BANK1: variants seen among roughly 807,000 people sequenced by gnomAD.
BANK1 encodes B-cell scaffold protein with ankyrin repeats.
In BANK1, 95 loss-of-function variants were observed where a neutral mutation model predicts 94.5. The ratio of observed to expected loss-of-function variants is 1.00; its 90% CI spans 0.85 to 1.19. BANK1 has a LOEUF of 1.19. Ranked by LOEUF, BANK1 falls within the 50% of genes most tolerant of loss-of-function variation. BANK1 has a pLI of 0.00. For synonymous variants in BANK1, 334 were observed against 308.4 expected, an observed-to-expected ratio of 1.08 and a Z score of -0.87; for missense variants, 987 against 932.2, an observed-to-expected ratio of 1.06 and a Z score of -0.77.
chr4:102,006,835 T>C, intron 7 of BANK1, among the ~76,000 whole-genome samples: 1 of 151,146 alleles, frequency 6.6e-6, no homozygotes. Flanking sequence ...GCAGTTCTGA[T>C]TCACAAAAGT....
intron 5 of BANK1, among the ~76,000 whole-genome samples, chr4:101,881,394 A>G (rs191166821): frequency 6.6e-6 from 1 of 152,280 alleles, no homozygotes; most frequent in East Asian, 1.9e-4. Context: ...ATCTCACCCC[A>G]GTTAAAATAG....
At chr4:102,005,688 A>G (rs1476035793) in intron 7 of BANK1, among the ~76,000 whole-genome samples, 2 of 152,082 alleles carry the variant, frequency 1.3e-5, no homozygotes, top group Non-Finnish European at 2.9e-5. Flanking sequence ...AGCATTTACA[A>G]TGAGCAAGGA....
intron 7 of BANK1, among the ~76,000 whole-genome samples, chr4:101,982,595 G>A (rs937402543): frequency 5.9e-5 from 9 of 151,408 alleles, no homozygotes; most frequent in Middle Eastern, 3.2e-3. Flanking sequence ...TTTTTTATTC[G>A]GCAAAAGTAC....
chr4:102,019,160 A>G (rs1291962081), intron 7 of BANK1, among the ~76,000 whole-genome samples: 1 of 152,166 alleles, frequency 6.6e-6, no homozygotes, highest in East Asian at 1.9e-4. Flanking sequence ...TTGTATTCTA[A>G]TAATTTTTTA....
At chr4:101,956,530 C>A in intron 7 of BANK1, among the ~76,000 whole-genome samples, 1 of 152,082 alleles carries the variant, frequency 6.6e-6, no homozygotes, top group East Asian at 1.9e-4. Flanking sequence ...CTTGGTAATA[C>A]CCTAACCTCT....
chr4:101,836,308 A>G (rs1409435013), intron 2 of BANK1, among the ~76,000 whole-genome samples: 1 of 151,994 alleles, frequency 6.6e-6, no homozygotes, highest in Non-Finnish European at 1.5e-5. Context: ...GGTGAAACCC[A>G]GTCTCTACTG....
chr4:101,848,647 G>T (rs1381447555), intron 2 of BANK1, among the ~76,000 whole-genome samples: 2 of 152,164 alleles, frequency 1.3e-5, no homozygotes, highest in Non-Finnish European at 2.9e-5. Flanking sequence ...TTAAAGTGAA[G>T]AGTAATATTA....
At chr4:101,993,731 C>A (rs758817851) in intron 7 of BANK1, among the ~76,000 whole-genome samples, 9 of 152,176 alleles carry the variant, frequency 5.9e-5, no homozygotes. Flanking sequence ...CGTTTGATTA[C>A]GGAGAATATT....
chr4:101,795,339 A>G lies in BANK1; in HGVS notation c.70+4389A>G, dbSNP rs144449964. On this transcript the variant is annotated intron_variant, in intron 1 of 16. Coordinates refer to ENST00000322953, the MANE Select transcript of BANK1 (RefSeq NM_017935.5). Reference sequence around the variant, plus strand: ...TCATATTGTTCAGTATAGTCATATGAAAATATTTAATAATTCACTGTGTTC... The same window carrying G: ...TCATATTGTTCAGTATAGTCATATGGAAATATTTAATAATTCACTGTGTTC... Among the ~76,000 whole-genome samples, 1,090 of 129,142 alleles carry G rather than the reference A, an allele frequency of 8.4e-3. 12 individuals carry two copies. The highest frequency in any genetic ancestry group is 0.033 in the African/African-American group (1,045 of 31,620). 84.7% of individuals were successfully genotyped at this position (129,142 alleles called of 152,430 possible). A position where few individuals can be genotyped will look rare whatever the true frequency, so the allele number is the denominator to read the frequency against.
chr4:101,901,383 G>A (rs1304649225), intron 6 of BANK1, among the ~76,000 whole-genome samples: 1 of 152,152 alleles, frequency 6.6e-6, no homozygotes, highest in African/African-American at 2.4e-5. Context: ...ATAAAACGTA[G>A]AACAGGTCTA....
intron 7 of BANK1, among the ~76,000 whole-genome samples, chr4:101,988,183 A>G (rs190630390): frequency 8.4e-4 from 128 of 152,336 alleles, no homozygotes; most frequent in Non-Finnish European, 1.6e-3. Flanking sequence ...GTTTAACGAA[A>G]ATAGTTTAAT....
Position 101,830,104 on chromosome 4 carries a change from C to G in BANK1, c.367C>G (p.Gln123Glu). The G allele has an allele frequency of 6.2e-7, 1 of 1,613,620 alleles. No homozygotes were observed. The highest frequency in any genetic ancestry group is 8.5e-7 in the Non-Finnish European group (1 of 1,179,804). The change falls in exon 2 of 17, where the codon CAG (glutamine) becomes GAG (glutamate). Residue 123 changes from glutamine (Q) to glutamate (E), a missense_variant. Physicochemically the swap from Gln to Glu is conservative, Grantham distance 29. Transcript: ENST00000322953. Reference sequence around the variant, plus strand: ...GCTTTGTGGAGTGAAGAGTTCAGATCAGCTCTATGAATTACTAAATATCTC... The same window carrying G: ...GCTTTGTGGAGTGAAGAGTTCAGATGAGCTCTATGAATTACTAAATATCTC... ...TLLCGVKSSD[Q>E]LYELLNISQS...
intron 1 of BANK1, among the ~76,000 whole-genome samples, chr4:101,803,997 C>CAAAA (rs55704915): frequency 1.0e-4 from 7 of 68,388 alleles, no homozygotes; most frequent in African/African-American, 2.7e-4. Context: ...GACTCCGTCT[C>CAAAA]AAAAAAAAAA....
chr4:101,919,352 C>T (rs73836646), intron 7 of BANK1, among the ~76,000 whole-genome samples: 124 of 152,004 alleles, frequency 8.2e-4, no homozygotes, highest in African/African-American at 2.8e-3. Flanking sequence ...GTCATTCTTC[C>T]ACTTCTTGCT....
At chr4:101,934,482 T>C (rs574903610) in intron 7 of BANK1, among the ~76,000 whole-genome samples, 1 of 151,598 alleles carries the variant, frequency 6.6e-6, no homozygotes, top group African/African-American at 2.4e-5. Context: ...TTATGAGCAG[T>C]GAGAGCCTCC....
intron 6 of BANK1, among the ~76,000 whole-genome samples, chr4:101,904,271 A>G (rs1210687020): frequency 6.6e-6 from 1 of 152,230 alleles, no homozygotes; most frequent in Non-Finnish European, 1.5e-5. Flanking sequence ...CATAGGTTGT[A>G]TGACTGAATT....
intron 7 of BANK1, among the ~76,000 whole-genome samples, chr4:102,004,581 G>T (rs942853187): frequency 3.9e-5 from 6 of 152,226 alleles, no homozygotes; most frequent in Admixed American, 2.6e-4. Flanking sequence ...CCAGATGTAA[G>T]GATTTTATTT....
intron 5 of BANK1, among the ~76,000 whole-genome samples, chr4:101,894,206 G>A (rs1239203797): frequency 6.6e-6 from 1 of 151,988 alleles, no homozygotes; most frequent in Non-Finnish European, 1.5e-5. Flanking sequence ...TTGGAAGGCA[G>A]AGCTTTTTGT....
intron 7 of BANK1, among the ~76,000 whole-genome samples, chr4:101,965,044 C>A (rs1285297071): frequency 6.6e-6 from 1 of 150,670 alleles, no homozygotes; most frequent in African/African-American, 2.4e-5. Context: ...CGATAGTTTA[C>A]TGAGAATGAT....
Sources: gnomAD v4.1 joint callset for allele counts (sites outside exome capture counted in the v4.1 genomes callset) on GRCh38, gnomAD v4.1.1 for gene constraint, MANE v1.5 for transcripts, NCBI Gene and HGNC (gene_info 2026-07-23, HGNC 2026-07-21) for gene names.